Variants in EDN1 observed in about 807,000 individuals in gnomAD.
EDN1 encodes the protein endothelin 1.
A neutral mutation model predicts 21.7 loss-of-function variants in EDN1; 11 were observed. The ratio of observed to expected loss-of-function variants is 0.51; its 90% CI spans 0.32 to 0.84. The LOEUF (loss-of-function observed/expected upper bound fraction) is 0.84, where lower values mean the gene tolerates loss of function less well. Among genes scored for constraint, EDN1 ranks in the 40% least tolerant of loss-of-function variants. EDN1 has a pLI of 0.03. For missense variants in EDN1, 244 were observed against 262.3 expected, an observed-to-expected ratio of 0.93 and a Z score of 0.48; for synonymous variants, 85 against 90.6, an observed-to-expected ratio of 0.94 and a Z score of 0.35.
At chr6:12,275,802 CGT>C in the EDN1 span, among the ~76,000 whole-genome samples, 30,126 of 146,532 alleles carry the variant, frequency 0.21, 3,143 homozygotes, top group South Asian at 0.32. Context: ...TTGGGGGCAC[CGT>C]GTGTGTGTGT....
At chr6:12,276,447 G>C in the EDN1 span, among the ~76,000 whole-genome samples, 2 of 152,174 alleles carry the variant, frequency 1.3e-5, no homozygotes, top group African/African-American at 4.8e-5. Flanking sequence ...GATGAAAAAA[G>C]TACATTCCTT....
At chr6:12,290,082 G>C (rs1476236648), upstream of EDN1, among the ~76,000 whole-genome samples, 1 of 152,154 alleles carries the variant, frequency 6.6e-6, no homozygotes, top group Non-Finnish European at 1.5e-5. Flanking sequence ...AGCTTGCAAA[G>C]GGGAAGCGGA....
intron 1 of EDN1, 76 bp downstream of exon 1, chr6:12,290,769 C>T: frequency 7.5e-7 from 1 of 1,326,370 alleles, no homozygotes; most frequent in South Asian, 1.2e-5. Context: ...GCTTTTCTTG[C>T]TTCTATTTTT....
chr6:12,265,914 T>C, the EDN1 span, among the ~76,000 whole-genome samples: 3 of 152,236 alleles, frequency 2.0e-5, no homozygotes, highest in Non-Finnish European at 4.4e-5. Context: ...GGTGCAAGGC[T>C]ACCCTGGTTA....
At chr6:12,242,137 T>C in the EDN1 span, among the ~76,000 whole-genome samples, 2 of 152,224 alleles carry the variant, frequency 1.3e-5, no homozygotes, top group African/African-American at 2.4e-5. Flanking sequence ...GGAAGCAGCC[T>C]GGGAATTCCT....
At chr6:12,294,205 C>T in intron 3 of EDN1, 56 bp from the exon 4 acceptor site, 7 of 1,613,310 alleles carry the variant, frequency 4.3e-6, no homozygotes, top group Non-Finnish European at 5.9e-6. Context: ...CATTGAAAGT[C>T]AGGGTAAAGC....
chr6:12,290,271 C>T (rs1297568331), upstream of EDN1: 7 of 306,004 alleles, frequency 2.3e-5, no homozygotes, highest in Non-Finnish European at 3.8e-5. Flanking sequence ...AACACAATAA[C>T]ATTGTCTGGG....
upstream of EDN1, among the ~76,000 whole-genome samples, chr6:12,289,818 A>T (rs1306038714): frequency 2.0e-5 from 3 of 152,178 alleles, no homozygotes; most frequent in Non-Finnish European, 4.4e-5. Flanking sequence ...AAGGGGCTTG[A>T]AGAGAAAAGT....
chr6:12,250,604 G>T, the EDN1 span, among the ~76,000 whole-genome samples: 1 of 152,210 alleles, frequency 6.6e-6, no homozygotes. Flanking sequence ...GCCTGTTCAT[G>T]CCTATATCTG....
At chr6:12,256,364 C>T in the EDN1 span, among the ~76,000 whole-genome samples, 2 of 151,994 alleles carry the variant, frequency 1.3e-5, no homozygotes, top group African/African-American at 4.8e-5. Context: ...CAAAACAAAA[C>T]CGCAAAACAA....
chr6:12,243,786 T>C, the EDN1 span, among the ~76,000 whole-genome samples: 39 of 152,364 alleles, frequency 2.6e-4, no homozygotes, highest in African/African-American at 9.1e-4. Context: ...GAGTAAACTG[T>C]ACCATAGTGA....
the EDN1 span, among the ~76,000 whole-genome samples, chr6:12,242,280 T>C: frequency 6.6e-6 from 1 of 152,152 alleles, no homozygotes; most frequent in Admixed American, 6.5e-5. Context: ...AGAATGGTCA[T>C]GCTGAAAAGT....
At chr6:12,241,729 G>A in the EDN1 span, among the ~76,000 whole-genome samples, 1 of 152,196 alleles carries the variant, frequency 6.6e-6, no homozygotes, top group Non-Finnish European at 1.5e-5. Flanking sequence ...GTTCATAGAA[G>A]ATGATCCTAT....
intron 1 of EDN1, among the ~76,000 whole-genome samples, chr6:12,291,217 T>TCCCCCCCC (rs56214323): frequency 5.4e-5 from 5 of 92,086 alleles, no homozygotes; most frequent in Admixed American, 1.2e-4. Context: ...AACTACCGCC[T>TCCCCCCCC]CCCCCCCCCC....
At chr6:12,266,216 A>G in the EDN1 span, among the ~76,000 whole-genome samples, 1 of 152,330 alleles carries the variant, frequency 6.6e-6, no homozygotes, top group South Asian at 2.1e-4. Flanking sequence ...TAAGTTTAGA[A>G]CAAACATCAA....
chr6:12,277,430 G>T, the EDN1 span, among the ~76,000 whole-genome samples: 2 of 152,202 alleles, frequency 1.3e-5, no homozygotes, highest in African/African-American at 4.8e-5. Context: ...AATAATGCGT[G>T]ATGTAAGTAC....
At chr6:12,231,834 T>C in the EDN1 span, among the ~76,000 whole-genome samples, 2 of 152,068 alleles carry the variant, frequency 1.3e-5, no homozygotes, top group Admixed American at 1.3e-4. Context: ...AAATTTAATG[T>C]GTTCAGTGAT....
chr6:12,292,226 G>A, intron 1 of EDN1, 115 bp from the exon 2 acceptor site: 1 of 1,420,042 alleles, frequency 7.0e-7, no homozygotes, highest in Admixed American at 1.7e-5. Flanking sequence ...CTGATGGCAG[G>A]CTGTGTGCTT....
the EDN1 span, among the ~76,000 whole-genome samples, chr6:12,281,902 T>C: frequency 6.6e-6 from 1 of 152,158 alleles, no homozygotes; most frequent in African/African-American, 2.4e-5. Context: ...GGTTTTGAAT[T>C]GATATCATAT....
Sources: gnomAD v4.1 joint callset for allele counts (sites outside exome capture counted in the v4.1 genomes callset) on GRCh38, gnomAD v4.1.1 for gene constraint, MANE v1.5 for transcripts, NCBI Gene and HGNC (gene_info 2026-07-23, HGNC 2026-07-21) for gene names.